ALG13: variants seen among roughly 807,000 people sequenced by gnomAD.
ALG13 encodes the protein ALG13 UDP-N-acetylglucosaminyltransferase subunit, also known as UDP-N-acetylglucosamine transferase subunit ALG13.
In ALG13, 11 loss-of-function variants were observed where a neutral mutation model predicts 87.8. That is an observed-to-expected ratio of 0.13 (90% confidence interval 0.08 to 0.21). ALG13 has a LOEUF of 0.21. ALG13 is among the 10% of genes least tolerant of loss of function. The pLI, the probability that ALG13 is intolerant of heterozygous loss-of-function variation, is 1.00. For missense variants in ALG13, 756 were observed against 866.1 expected (o/e 0.87, Z 1.60); for synonymous variants, 320 against 306.3 (o/e 1.04, Z -0.47).
intron 5 of ALG13, among the ~76,000 whole-genome samples, chrX:111,709,459 C>T (rs1392945296): frequency 8.9e-6 from 1 of 111,841 alleles, no homozygotes; most frequent in African/African-American, 3.2e-5. Context: ...TATTTTCTTG[C>T]TTAATCCTGT....
chrX:111,681,818 G>A, intron 1 of ALG13: 8 of 859,088 alleles, frequency 9.3e-6, no homozygotes, highest in Non-Finnish European at 1.1e-5. Context: ...GGTTCTCGCA[G>A]TTGATCAAGT....
intron 2 of ALG13, among the ~76,000 whole-genome samples, chrX:111,683,375 G>C (rs1428575954): frequency 8.0e-5 from 8 of 99,522 alleles, no homozygotes; most frequent in Non-Finnish European, 4.0e-5. Context: ...TGTCACCCAG[G>C]CTGGAATGCA....
chrX:111,733,538 A>C (rs1333897733), intron 21 of ALG13, among the ~76,000 whole-genome samples: 1 of 111,785 alleles, frequency 8.9e-6, no homozygotes, highest in Non-Finnish European at 1.9e-5. Context: ...CTTGATGATT[A>C]ATTGATGGGC....
intron 22 of ALG13, among the ~76,000 whole-genome samples, chrX:111,735,918 A>G (rs997312791): frequency 9.1e-6 from 1 of 109,991 alleles, no homozygotes; most frequent in Non-Finnish European, 1.9e-5. Flanking sequence ...AAAATAGTTT[A>G]TTCTCTTAAG....
At chrX:111,689,127 G>T in intron 3 of ALG13, 6 of 666,050 alleles carry the variant, frequency 9.0e-6, no homozygotes, top group Non-Finnish European at 1.1e-5. Context: ...AGAAGGTGGT[G>T]ACAAAGAAAT....
intron 4 of ALG13, among the ~76,000 whole-genome samples, chrX:111,708,672 A>G (rs1006194288): frequency 3.6e-5 from 4 of 111,540 alleles, no homozygotes; most frequent in African/African-American, 1.3e-4. Context: ...CAACTTTGAA[A>G]TATATCTTGA....
At chrX:111,683,117 C>T in intron 2 of ALG13, among the ~76,000 whole-genome samples, 1 of 109,699 alleles carries the variant, frequency 9.1e-6, no homozygotes, top group Non-Finnish European at 1.9e-5. Context: ...GAGCCTTTGG[C>T]ACTGCTCTGA....
At chrX:111,736,594 G>T in intron 22 of ALG13, 120 bp from the exon 23 acceptor site, 1 of 657,382 alleles carries the variant, frequency 1.5e-6, no homozygotes, top group South Asian at 3.2e-5. Flanking sequence ...TTTACATAAA[G>T]ATTGACTTTC....
At position 111,708,213 on chromosome X, in the gene ALG13, C is replaced by A; in HGVS notation, c.570C>A (p.His190Gln). 8.3e-7 allele frequency: 1 copy of A among 1,209,495 alleles called. No homozygotes were observed. Among genetic ancestry groups the A allele is most frequent in the Non-Finnish European group, 1.1e-6 (1 of 894,963 alleles). The change falls in exon 4 of 27, where the codon CAC becomes CAA. Residue 190 changes from histidine (H) to glutamine (Q), a missense_variant. Coordinates refer to ENST00000394780, the MANE Select transcript of ALG13 (RefSeq NM_001099922.3). ...GCACCCTGCTTTTTCCCTCTTGCCA[C>A]GCTTTTTTTCCTCTCCCTCTTACCC... The part of the protein sequence containing the change: ...PTCTLLFPSC[H>Q]AFFPLPLTPT...
intron 26 of ALG13, 133 bp downstream of exon 26, chrX:111,757,895 C>T (rs945349669): frequency 1.7e-6 from 1 of 584,316 alleles, no homozygotes; most frequent in African/African-American, 2.3e-5. Flanking sequence ...ATGTGGACCT[C>T]TTGTGGTCCC....
rs181849730 is a variant in ALG13 at position 111,738,922 on chromosome X, A to G, written c.2695+2043A>G. Among the ~76,000 whole-genome samples, 527 of 111,396 alleles carry G rather than the reference A, an allele frequency of 4.7e-3. 4 individuals are homozygous for G. The highest frequency in any genetic ancestry group is 6.1e-3 in the Non-Finnish European group (323 of 53,095). Reference sequence around the variant, plus strand: ...ATGAAGATAAAGATTTAAAAGCGACATATTTGAAGTTAGGCAAATGAGATC... The same window carrying G: ...ATGAAGATAAAGATTTAAAAGCGACGTATTTGAAGTTAGGCAAATGAGATC... On this transcript the variant is annotated intron_variant, in intron 23 of 26. Transcript: ENST00000394780.
chrX:111,752,536 C>G (rs983250110), intron 24 of ALG13, among the ~76,000 whole-genome samples: 1 of 110,353 alleles, frequency 9.1e-6, no homozygotes, highest in Non-Finnish European at 1.9e-5. Context: ...CTGCCTCAGC[C>G]TCCTGAGTAG....
intron 23 of ALG13, chrX:111,743,976 G>A (rs1464098870): frequency 9.0e-6 from 1 of 111,133 alleles, no homozygotes; most frequent in African/African-American, 3.3e-5. Flanking sequence ...TTACTAGGTT[G>A]TAACCACATT....
chrX:111,752,512 T>C (rs1232684433), intron 24 of ALG13, among the ~76,000 whole-genome samples: 2 of 110,327 alleles, frequency 1.8e-5, no homozygotes, highest in Non-Finnish European at 3.8e-5. Context: ...ATCTCCCAGA[T>C]TCAAGTGATT....
intron 1 of ALG13, 115 bp downstream of exon 1, chrX:111,681,414 C>G: frequency 8.6e-7 from 1 of 1,162,276 alleles, no homozygotes; most frequent in Non-Finnish European, 1.1e-6. Flanking sequence ...ACCCCCGCAA[C>G]TCTACCACAG....
chrX:111,681,216 G>C lies in ALG13; in HGVS notation c.-3G>C. The C allele has an allele frequency of 8.3e-7, 1 of 1,211,387 alleles. No individual in the cohort carries two copies. The highest frequency in any genetic ancestry group is 1.1e-6 in the Non-Finnish European group (1 of 894,985). ...TGCGATCAGGGCTTGAGGAACCCGC[G>C]CCATGAAGTGCGTGTTTGTTACCGT... is the stretch of plus-strand genomic sequence containing the variant. On this transcript the variant is annotated 5_prime_UTR_variant, in exon 1 of 27. Transcript: ENST00000394780.
chrX:111,731,523 C>T lies in ALG13; in HGVS notation c.2457+943C>T, dbSNP rs933236330. Among the ~76,000 whole-genome samples, 24 of 111,829 alleles carry T rather than the reference C, an allele frequency of 2.1e-4. 1 individual carries two copies. The highest frequency in any genetic ancestry group is 7.8e-4 in the African/African-American group (24 of 30,732). On this transcript the variant is annotated intron_variant, in intron 21 of 26. Coordinates refer to ENST00000394780, the MANE Select transcript of ALG13 (RefSeq NM_001099922.3). Reference sequence around the variant, plus strand: ...TGGTTACTCCCAAGGCCCATCCTTCCTTGGCAGTGTTTGGAGTAGGCATTG... The same window carrying T: ...TGGTTACTCCCAAGGCCCATCCTTCTTTGGCAGTGTTTGGAGTAGGCATTG...
chrX:111,740,837 A>G (rs924670401), intron 23 of ALG13, among the ~76,000 whole-genome samples: 3 of 112,011 alleles, frequency 2.7e-5, no homozygotes, highest in African/African-American at 6.5e-5. Flanking sequence ...TAGGAAATCA[A>G]TTAATTTTCT....
intron 15 of ALG13, among the ~76,000 whole-genome samples, chrX:111,726,492 A>G (rs996782384): frequency 9.1e-6 from 1 of 110,038 alleles, no homozygotes; most frequent in African/African-American, 3.3e-5. Flanking sequence ...TCGGCCTTCC[A>G]AAGTGCTGGG....
Sources: allele counts gnomAD v4.1 joint callset (sites outside exome capture counted in the v4.1 genomes callset), GRCh38; gene constraint gnomAD v4.1.1; transcripts MANE v1.5; gene names NCBI Gene and HGNC (gene_info 2026-07-23, HGNC 2026-07-21).